ZNF423: variants seen among roughly 807,000 people sequenced by gnomAD.
ZNF423 encodes zinc finger protein 423.
Under a neutral mutation model 95.8 loss-of-function variants are expected in ZNF423, and 12 were observed. The ratio of observed to expected loss-of-function variants is 0.13; its 90% CI spans 0.08 to 0.20. The LOEUF (loss-of-function observed/expected upper bound fraction) is 0.20. Among genes scored for constraint, ZNF423 ranks in the 10% least tolerant of loss-of-function variants. The pLI, the probability that ZNF423 is intolerant of heterozygous loss-of-function variation, is 1.00. For synonymous variants in ZNF423, 749 were observed against 711.9 expected (o/e 1.05, Z -0.83); for missense variants, 1,316 against 1,737.1 (o/e 0.76, Z 4.31).
intron 1 of ZNF423, among the ~76,000 whole-genome samples, chr16:49,811,761 C>T (rs781282354): frequency 1.3e-5 from 2 of 151,360 alleles, no homozygotes; most frequent in African/African-American, 2.4e-5. Flanking sequence ...CCCCCACCCC[C>T]GCCCCCAGAG....
chr16:49,602,344 C>G (rs1474710232), intron 5 of ZNF423, among the ~76,000 whole-genome samples: 1 of 152,204 alleles, frequency 6.6e-6, no homozygotes, highest in Non-Finnish European at 1.5e-5. Context: ...TGAGGAGGCC[C>G]TCCTCATCTT....
chr16:49,821,464 T>C (rs933618986), intron 1 of ZNF423, among the ~76,000 whole-genome samples: 3 of 152,036 alleles, frequency 2.0e-5, no homozygotes, highest in African/African-American at 4.8e-5. Context: ...CAAGCTTAAG[T>C]GGAGGAAGCT....
chr16:49,602,737 G>A (rs953645425), intron 5 of ZNF423, among the ~76,000 whole-genome samples: 1 of 152,158 alleles, frequency 6.6e-6, no homozygotes, highest in Non-Finnish European at 1.5e-5. Flanking sequence ...AGAGAAAACC[G>A]GCTCTTGTTT....
chr16:49,639,144 C>A (rs757379264), intron 3 of ZNF423, among the ~76,000 whole-genome samples: 2 of 152,156 alleles, frequency 1.3e-5, no homozygotes, highest in Non-Finnish European at 2.9e-5. Context: ...ATGATACCCC[C>A]CATCAGAGGG....
At chr16:49,772,723 A>C (rs1025193970) in intron 2 of ZNF423, among the ~76,000 whole-genome samples, 6 of 152,222 alleles carry the variant, frequency 3.9e-5, no homozygotes, top group African/African-American at 9.6e-5. Flanking sequence ...ATGAAAATAC[A>C]TCTTAAAACC....
At chr16:49,696,656 C>A (rs540268180) in intron 3 of ZNF423, among the ~76,000 whole-genome samples, 1 of 152,068 alleles carries the variant, frequency 6.6e-6, no homozygotes, top group African/African-American at 2.4e-5. Context: ...CACCCCCACC[C>A]GGCTACCTCC....
In ZNF423 at chr16:49,855,825, G is replaced by T. The variant is rs1008442398; in HGVS notation, c.-51C>A. Reference sequence around the variant, plus strand: ...CCCTCCGCAGCCGGCTCCCCCCGCCGCCCCCCGCCGCTCCGGGCAGCCCTT... The same window carrying T: ...CCCTCCGCAGCCGGCTCCCCCCGCCTCCCCCCGCCGCTCCGGGCAGCCCTT... On this transcript the variant is annotated 5_prime_UTR_variant, in exon 1 of 8. Transcript: ENST00000563137. The surrounding 1 kb of genome is among the most constrained non-coding windows in gnomAD (Gnocchi z 4.7). 1.3e-5 allele frequency: 2 copies of T among 149,098 alleles called. No individual in the cohort carries two copies. Among genetic ancestry groups the T allele is most frequent in the African/African-American group, 5.0e-5 (2 of 40,400 alleles). The allele number at this position is 149,098 out of a possible 1,614,324, so 9.2% of individuals were successfully genotyped here. A position where few individuals can be genotyped will look rare whatever the true frequency, so the allele number is the denominator to read the frequency against.
intron 2 of ZNF423, among the ~76,000 whole-genome samples, chr16:49,787,192 C>T (rs943639221): frequency 1.3e-5 from 2 of 152,200 alleles, no homozygotes; most frequent in Non-Finnish European, 2.9e-5. Context: ...AGCCGTCTCA[C>T]ACGCCCAGTG....
chr16:49,525,528 G>A, intron 5 of ZNF423, 34 bp from the exon 6 acceptor site: 1 of 1,612,786 alleles, frequency 6.2e-7, no homozygotes, highest in Non-Finnish European at 8.5e-7. Flanking sequence ...TCAGTGACCA[G>A]CATGCCATGT....
chr16:49,828,810 G>A (rs368593749), intron 1 of ZNF423, among the ~76,000 whole-genome samples: 1 of 152,224 alleles, frequency 6.6e-6, no homozygotes, highest in South Asian at 2.1e-4. Flanking sequence ...ATGGAGGAGA[G>A]GTCTGGAGAC....
At chr16:49,858,123 T>C (rs1008098788), upstream of ZNF423, among the ~76,000 whole-genome samples, 2 of 151,890 alleles carry the variant, frequency 1.3e-5, no homozygotes, top group African/African-American at 4.8e-5. This position sits in a 1 kb window ranked among gnomAD's most constrained non-coding sequence, Gnocchi z 4.3. Context: ...ATCTCTCGGA[T>C]CGATAAGTTG....
Position 49,638,822 on chromosome 16 carries a change from C to A in ZNF423, c.354G>T (p.Lys118Asn). The A allele has an allele frequency of 1.2e-6, 2 of 1,613,664 alleles. No individual in the cohort carries two copies. The highest frequency in any genetic ancestry group is 1.7e-6 in the Non-Finnish European group (2 of 1,179,698). ...TCATCTGCGTGGGTGACGCAACATC[C>A]TTGCTGGAGGGAGACGAGGCCACCC... ...LSWVASSPSSKDVASPTQMIG... is the reference protein window; with the variant it reads ...LSWVASSPSSNDVASPTQMIG... The change falls in exon 4 of 8, where the codon AAG (lysine) becomes AAT (asparagine). Residue 118 changes from lysine (K) to asparagine (N), a missense_variant. Transcript: ENST00000563137. This position sits in a 1 kb window ranked among gnomAD's most constrained non-coding sequence, Gnocchi z 5.6.
intron 7 of ZNF423, among the ~76,000 whole-genome samples, chr16:49,494,228 C>T (rs1046734615): frequency 3.3e-5 from 5 of 152,234 alleles, no homozygotes; most frequent in Admixed American, 1.3e-4. Context: ...ACTTAAATAG[C>T]AGTAGCAGGG....
chr16:49,636,294 C>G lies in ZNF423; in HGVS notation c.2882G>C (p.Arg961Pro). 1 of 1,612,680 alleles carries G rather than the reference C, an allele frequency of 6.2e-7. No individual in the cohort carries two copies. The change falls in exon 4 of 8, where the codon CGG (arginine) becomes CCG (proline). Residue 961 changes from arginine to proline, a missense_variant. This residue lies in a region of ZNF423 where 620 missense variants were observed against 775.6 expected (regional missense o/e 0.80). Transcript: ENST00000563137. The surrounding 1 kb of genome is among the most constrained non-coding windows in gnomAD (Gnocchi z 8.6). ...NGLREHLQTHRGPAKHYMCPI... is the reference protein window; with the variant it reads ...NGLREHLQTHPGPAKHYMCPI... ...ACACATGTAGTGCTTGGCAGGGCCC[C>G]GGTGCGTCTGCAGGTGCTCCCGTAG... is the stretch of plus-strand genomic sequence containing the variant.
chr16:49,857,586 T>C (rs1017829540), upstream of ZNF423, among the ~76,000 whole-genome samples: 7 of 152,166 alleles, frequency 4.6e-5, no homozygotes, highest in Admixed American at 2.0e-4. The surrounding 1 kb of genome is among the most constrained non-coding windows in gnomAD (Gnocchi z 6.2). Flanking sequence ...GGTTGGCTTT[T>C]GCCCACCGGT....
chr16:49,563,220 A>G (rs943329737), intron 5 of ZNF423, among the ~76,000 whole-genome samples: 1 of 152,110 alleles, frequency 6.6e-6, no homozygotes, highest in Admixed American at 6.5e-5. Context: ...CAGGGGAAGG[A>G]GCGTGAGTGA....
intron 3 of ZNF423, among the ~76,000 whole-genome samples, chr16:49,678,931 C>T (rs1053102126): frequency 6.6e-6 from 1 of 152,212 alleles, no homozygotes; most frequent in Non-Finnish European, 1.5e-5. Context: ...AGCACTGGCT[C>T]ACAACACCAG....
At chr16:49,717,664 A>G (rs1318906942) in intron 3 of ZNF423, among the ~76,000 whole-genome samples, 2 of 152,182 alleles carry the variant, frequency 1.3e-5, no homozygotes, top group Non-Finnish European at 1.5e-5. Context: ...TATTTACATG[A>G]GCCAATACAT....
intron 1 of ZNF423, among the ~76,000 whole-genome samples, chr16:49,837,962 CTT>C (rs1358534238): frequency 6.6e-6 from 1 of 152,338 alleles, no homozygotes; most frequent in Admixed American, 6.5e-5. Context: ...GCTGCTCACT[CTT>C]TATTGTCTGT....
Sources: gnomAD v4.1 joint callset for allele counts (sites outside exome capture counted in the v4.1 genomes callset) on GRCh38, gnomAD v4.1.1 for gene constraint, gnomAD v4.1.1 regional missense constraint, Gnocchi (gnomAD v3.1) non-coding constraint, MANE v1.5 for transcripts, NCBI Gene and HGNC (gene_info 2026-07-23, HGNC 2026-07-21) for gene names.